DLGAP2: variants seen among roughly 807,000 people sequenced by gnomAD.
DLGAP2 encodes disks large-associated protein 2.
A neutral mutation model predicts 100.3 loss-of-function variants in DLGAP2; 26 were observed. That is an observed-to-expected ratio of 0.26 (90% CI 0.19 to 0.36). DLGAP2 has a LOEUF of 0.36. Among genes scored for constraint, DLGAP2 ranks in the 10% least tolerant of loss-of-function variants. DLGAP2 has a pLI of 1.00. For missense variants in DLGAP2, 1,858 were observed against 1,453.2 expected (o/e 1.28, Z -4.53); for synonymous variants, 886 against 630.1 (o/e 1.41, Z -6.08).
At chr8:1,091,667 G>C (rs1279291877) in intron 2 of DLGAP2, among the ~76,000 whole-genome samples, 1 of 152,132 alleles carries the variant, frequency 6.6e-6, no homozygotes, top group Admixed American at 6.5e-5. Flanking sequence ...CGGATGCTAT[G>C]GAGAGATCAT....
At chr8:967,779 GTATATATATA>G (rs369439322) in intron 2 of DLGAP2, among the ~76,000 whole-genome samples, 6 of 17,862 alleles carry the variant, frequency 3.4e-4, no homozygotes, top group Admixed American at 1.0e-3. Context: ...ATATATATAT[GTATATATATA>G]TATATACACC....
chr8:941,336 G>A (rs1057409403), intron 2 of DLGAP2, among the ~76,000 whole-genome samples: 1 of 152,066 alleles, frequency 6.6e-6, no homozygotes, highest in East Asian at 1.9e-4. Context: ...CAGCGGCAAG[G>A]TGAGATGTAC....
intron 2 of DLGAP2, among the ~76,000 whole-genome samples, chr8:1,113,020 G>GGTA (rs978485791): frequency 5.3e-5 from 8 of 152,156 alleles, no homozygotes; most frequent in African/African-American, 1.7e-4. Context: ...TTGCAGGTGT[G>GGTA]TAACCTTATT....
intron 2 of DLGAP2, among the ~76,000 whole-genome samples, chr8:1,235,515 C>G (rs911196400): frequency 5.9e-5 from 9 of 151,374 alleles, no homozygotes; most frequent in Non-Finnish European, 5.9e-5. Flanking sequence ...CTAGTTCTCT[C>G]TCACACAGAG....
At chr8:739,638 G>A (rs1278412829) in intron 1 of DLGAP2, 2 of 152,208 alleles carry the variant, frequency 1.3e-5, no homozygotes, top group African/African-American at 4.8e-5. Flanking sequence ...GTTACTCTGG[G>A]TTTAAAAAAA....
intron 2 of DLGAP2, among the ~76,000 whole-genome samples, chr8:1,127,248 G>A (rs1436581885): frequency 2.0e-5 from 3 of 151,668 alleles, no homozygotes; most frequent in Admixed American, 2.0e-4. Flanking sequence ...AGGAATTGAA[G>A]ATTTTTGTAG....
intron 3 of DLGAP2, among the ~76,000 whole-genome samples, chr8:1,321,464 C>T (rs1385074961): frequency 6.6e-5 from 10 of 152,180 alleles, no homozygotes; most frequent in South Asian, 4.1e-4. Flanking sequence ...TGCGTGCATC[C>T]GCATCCATGT....
At chr8:1,217,626 G>A (rs906944588) in intron 2 of DLGAP2, among the ~76,000 whole-genome samples, 1 of 151,972 alleles carries the variant, frequency 6.6e-6, no homozygotes. Flanking sequence ...CACCTCCCTG[G>A]TTAGCTGTAT....
chr8:1,647,858 G>C (rs2472092), intron 8 of DLGAP2, among the ~76,000 whole-genome samples: 2 of 152,180 alleles, frequency 1.3e-5, no homozygotes, highest in African/African-American at 4.8e-5. Flanking sequence ...AGTGTGGGCA[G>C]CCTCCTTGTT....
At chr8:873,148 T>C (rs988923557) in intron 1 of DLGAP2, among the ~76,000 whole-genome samples, 6 of 152,260 alleles carry the variant, frequency 3.9e-5, no homozygotes, top group African/African-American at 1.4e-4. Flanking sequence ...ATGCTTTGCA[T>C]GAATAGTATT....
intron 3 of DLGAP2, chr8:1,300,266 T>C (rs35494214): frequency 5.4e-5 from 8 of 149,162 alleles, no homozygotes; most frequent in African/African-American, 2.0e-4. Flanking sequence ...CATATATATA[T>C]ACATACACAT....
chr8:1,359,315 C>G (rs184701606), intron 3 of DLGAP2, among the ~76,000 whole-genome samples: 2 of 152,242 alleles, frequency 1.3e-5, no homozygotes, highest in African/African-American at 4.8e-5. Context: ...CCTGGTTAGA[C>G]GCCTTCACCC....
At chr8:972,972 A>G (rs1800054458) in intron 2 of DLGAP2, among the ~76,000 whole-genome samples, 1 of 152,180 alleles carries the variant, frequency 6.6e-6, no homozygotes, top group African/African-American at 2.4e-5. Context: ...AGGCAGAAGA[A>G]TTTTTCTTAG....
intron 3 of DLGAP2, among the ~76,000 whole-genome samples, chr8:1,325,412 C>A (rs998313141): frequency 6.6e-6 from 1 of 152,226 alleles, no homozygotes; most frequent in African/African-American, 2.4e-5. Context: ...GTGTGGTCCC[C>A]CGACCCTGCA....
intron 4 of DLGAP2, among the ~76,000 whole-genome samples, chr8:1,535,514 G>A (rs1801127637): frequency 6.6e-6 from 1 of 152,186 alleles, no homozygotes; most frequent in Non-Finnish European, 1.5e-5. Flanking sequence ...GCCTAGCACA[G>A]ACGTGTTCAA....
intron 3 of DLGAP2, among the ~76,000 whole-genome samples, chr8:1,460,655 C>T: frequency 6.6e-6 from 1 of 152,128 alleles, no homozygotes; most frequent in East Asian, 1.9e-4. Context: ...ATTTCTTGTG[C>T]ATTTTTTATA....
At chr8:1,161,978 C>T (rs1796900406) in intron 2 of DLGAP2, among the ~76,000 whole-genome samples, 2 of 152,244 alleles carry the variant, frequency 1.3e-5, no homozygotes, top group African/African-American at 4.8e-5. Context: ...TGAGGGCCTT[C>T]CTGCTAGAAT....
chr8:1,119,556 G>C (rs910189945), intron 2 of DLGAP2, among the ~76,000 whole-genome samples: 9 of 152,346 alleles, frequency 5.9e-5, no homozygotes, highest in East Asian at 3.9e-4. Flanking sequence ...CAGTAGCTGA[G>C]AGATGCTGAG....
chr8:1,380,414 T>C (rs939162406), intron 3 of DLGAP2: 31 of 152,202 alleles, frequency 2.0e-4, no homozygotes, highest in African/African-American at 7.0e-4. Flanking sequence ...TCAGTCACCA[T>C]TGAGTTGAAC....
Sources: allele counts gnomAD v4.1 joint callset (sites outside exome capture counted in the v4.1 genomes callset), GRCh38; gene constraint gnomAD v4.1.1; transcripts MANE v1.5; gene names NCBI Gene and HGNC (gene_info 2026-07-23, HGNC 2026-07-21).